C2CD5: variants seen among roughly 807,000 people sequenced by gnomAD.
C2CD5 encodes C2 calcium dependent domain containing 5, also known as C2 domain-containing protein 5.
Under a neutral mutation model 130.3 loss-of-function variants are expected in C2CD5, and 109 were observed. The observed-to-expected ratio is 0.84, with a 90% confidence interval of 0.72 to 0.98. The LOEUF is 0.98. C2CD5 is among the 50% of genes least tolerant of loss of function. The pLI is 0.00. For synonymous variants in C2CD5, 454 were observed against 429.2 expected (o/e 1.06, Z -0.71); for missense variants, 996 against 1,261.8 (o/e 0.79, Z 3.19).
chr12:22,531,979 C>T (rs1383721022), intron 3 of C2CD5, among the ~76,000 whole-genome samples: 1 of 152,140 alleles, frequency 6.6e-6, no homozygotes, highest in Admixed American at 6.5e-5. Flanking sequence ...CCCCAAAATG[C>T]TAATATTTAA....
intron 26 of C2CD5, among the ~76,000 whole-genome samples, chr12:22,450,522 T>C (rs2135920502): frequency 6.6e-6 from 1 of 152,238 alleles, no homozygotes; most frequent in East Asian, 1.9e-4. Flanking sequence ...TATGGGTAAA[T>C]CTTATGATAA....
chr12:22,497,907 TACACACACACAC>T (rs3063916), intron 10 of C2CD5, among the ~76,000 whole-genome samples: 6,455 of 145,720 alleles, frequency 0.044, 167 homozygotes, highest in South Asian at 0.11. Context: ...TGCACACACA[TACACACACACAC>T]ACACACACAC....
At chr12:22,488,866 AT>A (rs1302066607) in intron 12 of C2CD5, among the ~76,000 whole-genome samples, 2 of 150,134 alleles carry the variant, frequency 1.3e-5, no homozygotes, top group Non-Finnish European at 3.0e-5. Context: ...AAGATACAGA[AT>A]TTTTTTGCTT....
chr12:22,454,890 T>C (rs932201987), intron 25 of C2CD5, among the ~76,000 whole-genome samples: 5 of 152,164 alleles, frequency 3.3e-5, no homozygotes, highest in African/African-American at 1.2e-4. Context: ...CCATATATAA[T>C]TGTAAGGAAA....
intron 22 of C2CD5, among the ~76,000 whole-genome samples, chr12:22,465,724 G>C (rs192084372): frequency 5.3e-5 from 8 of 151,816 alleles, no homozygotes; most frequent in African/African-American, 1.9e-4. Context: ...GAAAAACTCA[G>C]GTTTGGATAT....
chr12:22,543,452 G>A (rs1952607154), intron 2 of C2CD5, among the ~76,000 whole-genome samples: 1 of 152,244 alleles, frequency 6.6e-6, no homozygotes, highest in African/African-American at 2.4e-5. Flanking sequence ...TTGCAGTTGT[G>A]TTTTAGAACG....
chr12:22,513,537 A>G (rs1949415520), intron 8 of C2CD5, 158 bp from the exon 9 acceptor site: 1 of 599,900 alleles, frequency 1.7e-6, no homozygotes, highest in Non-Finnish European at 3.0e-6. Flanking sequence ...ATTTTACTCT[A>G]CTTTTATTCA....
In C2CD5 at chr12:22,484,713, A is replaced by C. The variant is rs148790751; in HGVS notation, c.1534T>G (p.Cys512Gly). ...PTDATVIGKGCLIQARLCRLK... is the reference protein window; with the variant it reads ...PTDATVIGKGGLIQARLCRLK... The stretch of plus-strand genomic sequence containing the variant: ...CAAACATACCTTGCTTGAATAAGAC[A>C]ACCTTTTCCAATAACTGTTGCATCT... The change falls in exon 13 of 27, where the codon TGT becomes GGT. Residue 512 changes from cysteine (C) to glycine (G), a missense_variant. Cys to Gly is a radical substitution (Grantham distance 159). Transcript: ENST00000446597. 4.4e-6 allele frequency: 7 copies of C among 1,588,518 alleles called. No homozygotes were observed. The highest frequency in any genetic ancestry group is 5.1e-6 in the Non-Finnish European group (6 of 1,169,148).
intron 23 of C2CD5, 135 bp downstream of exon 23, chr12:22,459,357 C>CA (rs148077355): frequency 0.035 from 14,376 of 411,722 alleles, 22 homozygotes; most frequent in East Asian, 0.11. Context: ...ATTCTACCTA[C>CA]AAAAAAAAAA....
chr12:22,467,471 G>A (rs1942276472), intron 22 of C2CD5, among the ~76,000 whole-genome samples: 1 of 152,202 alleles, frequency 6.6e-6, no homozygotes, highest in Non-Finnish European at 1.5e-5. Context: ...GACGCTCAGT[G>A]TGACCTTGGG....
chr12:22,480,449 A>T (rs1450502032), intron 14 of C2CD5, among the ~76,000 whole-genome samples: 1 of 152,226 alleles, frequency 6.6e-6, no homozygotes, highest in Non-Finnish European at 1.5e-5. Flanking sequence ...CAAAGCACAA[A>T]GATGAAATGT....
intron 22 of C2CD5, among the ~76,000 whole-genome samples, chr12:22,461,472 C>G (rs1466422237): frequency 3.3e-5 from 5 of 152,150 alleles, no homozygotes; most frequent in Non-Finnish European, 2.9e-5. Flanking sequence ...ACAGAAAGAG[C>G]TTACCTGAGT....
chr12:22,509,069 G>A (rs542016428), intron 9 of C2CD5, among the ~76,000 whole-genome samples: 58 of 151,606 alleles, frequency 3.8e-4, no homozygotes, highest in African/African-American at 1.2e-3. Flanking sequence ...TAGTAGAGAC[G>A]GGGTTTCACC....
chr12:22,493,931 A>T (rs1490401033), intron 10 of C2CD5, among the ~76,000 whole-genome samples: 1 of 152,030 alleles, frequency 6.6e-6, no homozygotes, highest in African/African-American at 2.4e-5. Context: ...GCACACTTAA[A>T]ATATTAACAC....
chr12:22,486,186 GA>G (rs35716305), intron 12 of C2CD5, among the ~76,000 whole-genome samples: 17,871 of 111,302 alleles, frequency 0.16, 1,838 homozygotes, highest in African/African-American at 0.34. Context: ...GGCTTGAATG[GA>G]AAAAAAAAAA....
intron 10 of C2CD5, among the ~76,000 whole-genome samples, chr12:22,496,486 G>A (rs1947034349): frequency 6.6e-6 from 1 of 151,940 alleles, no homozygotes; most frequent in African/African-American, 2.4e-5. Flanking sequence ...TTAGTTATCT[G>A]AAGGATATAC....
intron 17 of C2CD5, 52 bp downstream of exon 17, chr12:22,472,692 A>C (rs1367748297): frequency 1.0e-6 from 1 of 1,000,600 alleles, no homozygotes; most frequent in Non-Finnish European, 1.6e-6. Flanking sequence ...TTATGAGCTA[A>C]AACATTTATA....
intron 3 of C2CD5, among the ~76,000 whole-genome samples, chr12:22,529,059 A>C (rs1950978521): frequency 6.6e-6 from 1 of 152,200 alleles, no homozygotes; most frequent in South Asian, 2.1e-4. Context: ...AATTTGCCTT[A>C]AAATATCCCC....
intron 3 of C2CD5, 60 bp downstream of exon 3, chr12:22,535,198 T>A (rs1257565877): frequency 1.1e-6 from 1 of 886,178 alleles, no homozygotes; most frequent in Non-Finnish European, 1.9e-6. Context: ...TCATTATTCC[T>A]GAGGGAAAAG....
Sources: allele counts gnomAD v4.1 joint callset (sites outside exome capture counted in the v4.1 genomes callset), GRCh38; gene constraint gnomAD v4.1.1; transcripts MANE v1.5; gene names NCBI Gene and HGNC (gene_info 2026-07-23, HGNC 2026-07-21).